The following LRRK1 variants were observed in gnomAD, a reference collection of about 807,000 sequenced individuals.
LRRK1 encodes leucine-rich repeat serine/threonine-protein kinase 1.
In LRRK1, 113 loss-of-function variants were observed where a neutral mutation model predicts 209.1. The observed-to-expected ratio is 0.54, with a 90% CI of 0.46 to 0.63. The LOEUF (loss-of-function observed/expected upper bound fraction) is 0.63. Among genes scored for constraint, LRRK1 ranks in the 30% least tolerant of loss-of-function variants. The pLI is 0.00. For missense variants in LRRK1, 2,284 were observed against 2,632.2 expected (o/e 0.87, Z 2.89); for synonymous variants, 1,144 against 1,099.7 (o/e 1.04, Z -0.80).
chr15:101,026,996 G>A (rs910327744), intron 17 of LRRK1, among the ~76,000 whole-genome samples: 2 of 152,090 alleles, frequency 1.3e-5, no homozygotes, highest in African/African-American at 2.4e-5. Context: ...TGTACCCTTG[G>A]GGGTCTCGGT....
intron 20 of LRRK1, among the ~76,000 whole-genome samples, chr15:101,031,022 T>A (rs1289550328): frequency 1.3e-5 from 2 of 152,228 alleles, no homozygotes; most frequent in African/African-American, 4.8e-5. Context: ...TTCCCATTCC[T>A]GAGTTACTTC....
chr15:101,015,759 C>T (rs971768602), intron 12 of LRRK1, among the ~76,000 whole-genome samples: 1 of 152,160 alleles, frequency 6.6e-6, no homozygotes, highest in Non-Finnish European at 1.5e-5. Context: ...CCATTTTGCA[C>T]GTGGGGAGAC....
Position 101,049,683 on chromosome 15 carries a change from C to G in LRRK1, c.3339C>G (p.Ser1113Arg). Residue 1113 changes from serine (S) to arginine (R), a missense_variant, in exon 23 of 34, where the codon AGC becomes AGG. Transcript: ENST00000388948. ...ACGTGAACTGGAAAAAGAAGAAAAGCGGAGGAATGAAAATTGTTTGCCAAT... is the reference window on the plus strand; with the variant it reads ...ACGTGAACTGGAAAAAGAAGAAAAGGGGAGGAATGAAAATTGTTTGCCAAT... ...SSDVNWKKKK[S>R]GGMKIVCQSE... The G allele has an allele frequency of 6.2e-7, 1 of 1,613,898 alleles. No individual in the cohort carries two copies. The highest frequency in any genetic ancestry group is 8.5e-7 in the Non-Finnish European group (1 of 1,179,906).
intron 2 of LRRK1, among the ~76,000 whole-genome samples, chr15:100,941,231 T>A (rs2042396265): frequency 6.6e-6 from 1 of 151,314 alleles, no homozygotes; most frequent in Non-Finnish European, 1.5e-5. Flanking sequence ...TCTGTGTGTG[T>A]GTCTGTGTGT....
At position 101,042,174 on chromosome 15, in the gene LRRK1, C is replaced by T. The variant is rs566168574; in HGVS notation, c.2964-3807C>T. ...AATCTCTTTTCATCCTGAAGAATTA[C>T]GTGTAGCATGTCTTAAAGTCTAAGT... On this transcript the variant is annotated intron_variant, in intron 20 of 33. Transcript: ENST00000388948. 2.0e-4 allele frequency among the ~76,000 whole-genome samples: 31 copies of T among 152,328 alleles called. 1 individual carries two copies. The highest frequency in any genetic ancestry group is 6.7e-4 in the African/African-American group (28 of 41,568).
In LRRK1 at chr15:101,015,347, G is replaced by A. The variant is rs571105189; in HGVS notation, c.1554G>A (p.Thr518=). 5.0e-6 allele frequency: 8 copies of A among 1,613,784 alleles called. No individual in the cohort carries two copies. Among genetic ancestry groups the A allele is most frequent in the South Asian group, 1.1e-5 (1 of 91,008 alleles). Residue 518 remains threonine (T), a synonymous_variant, in exon 12 of 34, where the codon ACG becomes ACA. Transcript: ENST00000388948. The part of the protein sequence containing the change: ...QLGKNEDGLK[T]KRIAFFTTRG... The stretch of plus-strand genomic sequence containing the variant: ...CCAGAAATGAAGATGGACTGAAAAC[G>A]AAGCGTATTGCCTTTTTCACCACCA...
chr15:101,014,352 G>T lies in LRRK1; in HGVS notation c.1456G>T (p.Ala486Ser). 6.2e-7 allele frequency: 1 copy of T among 1,613,948 alleles called. No individual in the cohort carries two copies. The highest frequency in any genetic ancestry group is 8.5e-7 in the Non-Finnish European group (1 of 1,179,948). Residue 486 changes from alanine to serine, a missense_variant, in exon 11 of 34, where the codon GCG becomes TCG. Physicochemically the swap from Ala to Ser is moderately conservative, Grantham distance 99 (BLOSUM62 1). Around this residue, in one of 6 missense-constraint regions of LRRK1, gnomAD observed 494 missense variants for 522.1 expected, o/e 0.95. Coordinates refer to ENST00000388948, the MANE Select transcript of LRRK1 (RefSeq NM_024652.6). ...MFLRLQGNQL[A>S]ALPPQEKWTC... is the part of the protein sequence containing the mutation. Reference sequence around the variant, plus strand: ...CTTGAGGTTACAGGGGAACCAGCTGGCGGCACTTCCACCTCAAGAGAAGTG... The same window carrying T: ...CTTGAGGTTACAGGGGAACCAGCTGTCGGCACTTCCACCTCAAGAGAAGTG...
At chr15:101,057,135 C>T (rs1222366124) in intron 28 of LRRK1, 85 bp downstream of exon 28, 14 of 1,233,638 alleles carry the variant, frequency 1.1e-5, no homozygotes, top group Non-Finnish European at 1.3e-5. Flanking sequence ...TGCCTGGCTG[C>T]CCAACCATCA....
At chr15:101,065,177 T>C (rs2036456715) in intron 31 of LRRK1, 175 bp from the exon 32 acceptor site, 2 of 667,482 alleles carry the variant, frequency 3.0e-6, no homozygotes, top group Admixed American at 2.9e-5. Context: ...GAGTCAGAGC[T>C]GCACTTCTTT....
intron 2 of LRRK1, among the ~76,000 whole-genome samples, chr15:100,951,966 ATAATAAT>A (rs1352547954): frequency 1.7e-4 from 23 of 138,858 alleles, no homozygotes; most frequent in African/African-American, 5.0e-4. Flanking sequence ...AAAAAAAAAA[ATAATAAT>A]AATAATAATA....
chr15:100,971,333 CA>C (rs11342420), intron 2 of LRRK1, among the ~76,000 whole-genome samples: 104,168 of 118,590 alleles, frequency 0.88, 45,212 homozygotes, highest in East Asian at 0.98. Context: ...AACTGTGTCT[CA>C]AAAAAAAAAA....
Position 101,014,861 on chromosome 15 carries a change from G to T in LRRK1, c.1532+433G>T, listed in dbSNP as rs539547540. On this transcript the variant is annotated intron_variant, in intron 11 of 33. Coordinates refer to ENST00000388948, the MANE Select transcript of LRRK1 (RefSeq NM_024652.6). ...GGTTAGGGCTTCGACACAGGAATGT[G>T]GGGGGAAACAGCCCCTAATGGTGTC... Among the ~76,000 whole-genome samples, 3 of 152,220 alleles carry T rather than the reference G, an allele frequency of 2.0e-5. No homozygotes were observed. The South Asian group carries it at 6.2e-4, about 32-fold the overall frequency.
At chr15:101,056,632 TG>T (rs2035818711) in intron 27 of LRRK1, among the ~76,000 whole-genome samples, 1 of 151,636 alleles carries the variant, frequency 6.6e-6, no homozygotes, top group African/African-American at 2.4e-5. Flanking sequence ...GGTGGATGGA[TG>T]GATGGAAAGA....
chr15:101,014,381 C>G lies in LRRK1; in HGVS notation c.1485C>G (p.Thr495=), dbSNP rs879097193. Residue 495 remains threonine (T), a synonymous_variant, in exon 11 of 34, where the codon ACC becomes ACG. Coordinates refer to ENST00000388948, the MANE Select transcript of LRRK1 (RefSeq NM_024652.6). ...LAALPPQEKW[T]CRQLKTLDLS... ...CACTTCCACCTCAAGAGAAGTGGACCTGCAGGCAGCTCAAAACCCTGGATC... is the reference window on the plus strand; with the variant it reads ...CACTTCCACCTCAAGAGAAGTGGACGTGCAGGCAGCTCAAAACCCTGGATC... 6.2e-7 allele frequency: 1 copy of G among 1,613,984 alleles called. No homozygotes were observed.
chr15:100,969,372 A>G (rs2141646988), intron 2 of LRRK1, among the ~76,000 whole-genome samples: 1 of 152,364 alleles, frequency 6.6e-6, no homozygotes, highest in African/African-American at 2.4e-5. Context: ...CATGTAAGAA[A>G]GTAAGTAAAG....
chr15:101,036,980 T>G (rs755062397), intron 20 of LRRK1, among the ~76,000 whole-genome samples: 1 of 152,214 alleles, frequency 6.6e-6, no homozygotes, highest in Non-Finnish European at 1.5e-5. Flanking sequence ...TGGGCCAGTC[T>G]TTGGGCCCCA....
At chr15:101,062,718 A>C in intron 31 of LRRK1, 28 bp downstream of exon 31, 1 of 1,526,344 alleles carries the variant, frequency 6.6e-7, no homozygotes, top group African/African-American at 1.4e-5. Context: ...GCAGGTATGC[A>C]GGTCTCTGAT....
chr15:100,947,200 G>A (rs1038598256), intron 2 of LRRK1, among the ~76,000 whole-genome samples: 3 of 151,916 alleles, frequency 2.0e-5, no homozygotes, highest in Non-Finnish European at 4.4e-5. Context: ...CTCGTGATCC[G>A]CCCGCCTCGG....
Position 101,071,273 on chromosome 15 carries a change from C to G in LRRK1, c.*2425C>G, listed in dbSNP as rs1463714543. ...AGGCATCTCAGATAGATGTCACTTA[C>G]CACCCTCATGTTGGCAGAGGGTGGT... On this transcript the variant is annotated 3_prime_UTR_variant, in exon 34 of 34. Transcript: ENST00000388948. The G allele has an allele frequency of 2.6e-5, 4 of 152,290 alleles. No homozygotes were observed. Among genetic ancestry groups the G allele is most frequent in the South Asian group, 2.1e-4 (1 of 4,836 alleles). The allele number at this position is 152,290 out of a possible 1,614,324, so 9.4% of individuals were successfully genotyped here.
Sources: allele counts gnomAD v4.1 joint callset (sites outside exome capture counted in the v4.1 genomes callset), GRCh38; gene constraint gnomAD v4.1.1; regional missense constraint gnomAD v4.1.1; transcripts MANE v1.5; gene names NCBI Gene and HGNC (gene_info 2026-07-23, HGNC 2026-07-21).